The following BCAT1 variants were observed in gnomAD, a reference collection of about 807,000 sequenced individuals.
BCAT1 encodes branched-chain-amino-acid aminotransferase, cytosolic.
A neutral mutation model predicts 52.4 loss-of-function variants in BCAT1; 48 were observed. The observed-to-expected ratio is 0.92, with a 90% confidence interval of 0.73 to 1.16. The LOEUF is 1.16. Ranked by LOEUF, BCAT1 falls within the 50% of genes most tolerant of loss-of-function variation. The probability of loss-of-function intolerance (pLI) is 0.00; values close to 1 mark genes in which losing one functional copy is unlikely to be tolerated. For missense variants in BCAT1, 451 were observed against 457.1 expected (o/e 0.99, Z 0.12); for synonymous variants, 167 against 161.3 (o/e 1.04, Z -0.27).
intron 7 of BCAT1, among the ~76,000 whole-genome samples, chr12:24,836,893 GAA>G (rs753139800): frequency 2.1e-4 from 9 of 42,756 alleles, no homozygotes; most frequent in African/African-American, 8.6e-4. Context: ...AAGAAAGAAA[GAA>G]AGAAAAGAAA....
chr12:24,821,569 C>T (rs1258117749), intron 10 of BCAT1, among the ~76,000 whole-genome samples: 2 of 152,152 alleles, frequency 1.3e-5, no homozygotes, highest in African/African-American at 2.4e-5. Context: ...CATCTCTTCT[C>T]GGAATGTGTT....
chr12:24,926,284 A>G (rs1287211896), intron 1 of BCAT1, among the ~76,000 whole-genome samples: 3 of 150,262 alleles, frequency 2.0e-5, no homozygotes, highest in African/African-American at 4.9e-5. Context: ...CAGCCGCCCC[A>G]TCTGAGAAGT....
intron 1 of BCAT1, among the ~76,000 whole-genome samples, chr12:24,930,680 C>T (rs566146840): frequency 1.1e-3 from 173 of 152,312 alleles, no homozygotes; most frequent in African/African-American, 3.9e-3. Context: ...GCTCTCCTTG[C>T]TTGGCTGACA....
intron 1 of BCAT1, among the ~76,000 whole-genome samples, chr12:24,906,231 G>A (rs1943223259): frequency 6.6e-6 from 1 of 151,944 alleles, no homozygotes; most frequent in Non-Finnish European, 1.5e-5. Context: ...GGTGGGACAA[G>A]GATGAGAGAA....
At chr12:24,915,583 G>A (rs1197133299) in intron 1 of BCAT1, among the ~76,000 whole-genome samples, 1 of 152,060 alleles carries the variant, frequency 6.6e-6, no homozygotes, top group African/African-American at 2.4e-5. Context: ...GCTCTACCGT[G>A]AAGCTACATG....
At chr12:24,830,787 A>AATGT (rs1216764048) in intron 9 of BCAT1, 11 of 152,306 alleles carry the variant, frequency 7.2e-5, no homozygotes, top group African/African-American at 2.6e-4. Flanking sequence ...CATTCTTATC[A>AATGT]ATGTAAGTAT....
rs140341997 is a variant in BCAT1 at position 24,895,852 on chromosome 12, A to C, written c.79-1377T>G. On this transcript the variant is annotated intron_variant, in intron 2 of 10. Coordinates refer to ENST00000261192, the MANE Select transcript of BCAT1 (RefSeq NM_005504.7). Reference sequence around the variant, plus strand: ...ATTTTTAGAATAATATTCAGGCTGAAAACATATTCCAAAACAAACAGAAAG... The same window carrying C: ...ATTTTTAGAATAATATTCAGGCTGACAACATATTCCAAAACAAACAGAAAG... 2.6e-5 allele frequency among the ~76,000 whole-genome samples: 4 copies of C among 152,332 alleles called. No homozygotes were observed. The East Asian group carries it at 7.7e-4, about 29-fold the overall frequency.
intron 1 of BCAT1, among the ~76,000 whole-genome samples, chr12:24,937,596 G>T (rs1341368077): frequency 6.6e-6 from 1 of 152,128 alleles, no homozygotes; most frequent in Admixed American, 6.5e-5. Flanking sequence ...GATCACTTCA[G>T]CTCCTCCTGT....
chr12:24,834,713 T>C (rs1940844384), intron 8 of BCAT1: 1 of 1,046,104 alleles, frequency 9.6e-7, no homozygotes, highest in Non-Finnish European at 1.2e-6. Flanking sequence ...AAAGTTTCAA[T>C]TTCTCTCAGT....
At chr12:24,877,946 G>A (rs1229620525) in intron 5 of BCAT1, among the ~76,000 whole-genome samples, 1 of 152,110 alleles carries the variant, frequency 6.6e-6, no homozygotes, top group African/African-American at 2.4e-5. Context: ...TAGAGGCCAG[G>A]AGTTTGAGAC....
chr12:24,838,323 AT>A (rs1260260483), intron 7 of BCAT1, among the ~76,000 whole-genome samples: 1 of 152,188 alleles, frequency 6.6e-6, no homozygotes, highest in Admixed American at 6.5e-5. Context: ...GCTTTTTTGA[AT>A]TTTGTTTCTG....
At chr12:24,853,705 A>G (rs1014550040) in intron 5 of BCAT1, among the ~76,000 whole-genome samples, 2 of 152,320 alleles carry the variant, frequency 1.3e-5, no homozygotes, top group South Asian at 2.1e-4. Flanking sequence ...AAGTTCAGTC[A>G]TCTGATTAAA....
intron 8 of BCAT1, among the ~76,000 whole-genome samples, chr12:24,835,528 A>G (rs1940877603): frequency 6.6e-6 from 1 of 151,736 alleles, no homozygotes; most frequent in Non-Finnish European, 1.5e-5. Flanking sequence ...GTCATTTCCA[A>G]AACCAAACCT....
intron 4 of BCAT1, 138 bp from the exon 5 acceptor site, chr12:24,878,787 G>A: frequency 1.2e-6 from 1 of 829,348 alleles, no homozygotes; most frequent in Non-Finnish European, 1.7e-6. Context: ...TGAGGTGATG[G>A]ATATCCTAAT....
At chr12:24,843,300 T>C (rs1447298095) in intron 6 of BCAT1, among the ~76,000 whole-genome samples, 1 of 152,066 alleles carries the variant, frequency 6.6e-6, no homozygotes, top group Non-Finnish European at 1.5e-5. Flanking sequence ...TGTACTGTTG[T>C]CTAAATAAAA....
chr12:24,931,523 T>C (rs1943675550), intron 1 of BCAT1, among the ~76,000 whole-genome samples: 1 of 152,112 alleles, frequency 6.6e-6, no homozygotes, highest in Non-Finnish European at 1.5e-5. Flanking sequence ...AAAGAGACCC[T>C]GAATACCTCA....
At chr12:24,894,516 G>A (rs991600475) in intron 2 of BCAT1, 41 bp from the exon 3 acceptor site, 24 of 1,495,396 alleles carry the variant, frequency 1.6e-5, no homozygotes, top group Middle Eastern at 1.7e-4. Flanking sequence ...AAAAGCTACT[G>A]AGCATTCGCT....
chr12:24,838,113 A>C (rs147411830), intron 7 of BCAT1, among the ~76,000 whole-genome samples: 1 of 152,116 alleles, frequency 6.6e-6, no homozygotes, highest in East Asian at 1.9e-4. Flanking sequence ...CCCTCAATAC[A>C]TGGTGGTTCT....
At chr12:24,825,067 A>G (rs755957249) in intron 10 of BCAT1, among the ~76,000 whole-genome samples, 5 of 152,036 alleles carry the variant, frequency 3.3e-5, no homozygotes, top group Non-Finnish European at 5.9e-5. Flanking sequence ...ATGTTGCTGC[A>G]AATGACAGGA....
Sources: allele counts gnomAD v4.1 joint callset (sites outside exome capture counted in the v4.1 genomes callset), GRCh38; gene constraint gnomAD v4.1.1; transcripts MANE v1.5; gene names NCBI Gene and HGNC (gene_info 2026-07-23, HGNC 2026-07-21).